Variants in KCNQ1 observed in about 807,000 individuals in gnomAD.
The protein encoded by KCNQ1 is potassium voltage-gated channel subfamily KQT member 1.
KCNQ1 carries 49 observed loss-of-function variants against 72.4 expected under a neutral mutation model. The observed-to-expected ratio is 0.68, with a 90% CI of 0.54 to 0.86. The LOEUF (loss-of-function observed/expected upper bound fraction) is 0.86. Among genes scored for constraint, KCNQ1 ranks in the 40% least tolerant of loss-of-function variants. The pLI, the probability that KCNQ1 is intolerant of heterozygous loss-of-function variation, is 0.00. For missense variants in KCNQ1, 790 were observed against 945.1 expected (o/e 0.84, Z 2.15); for synonymous variants, 450 against 412.6 (o/e 1.09, Z -1.10).
rs768414750 is a variant in KCNQ1, at chr11:2,509,779, C to A, written c.387-18149C>A. Among the ~76,000 whole-genome samples the A allele has an allele frequency of 2.0e-5, 3 of 152,202 alleles. No homozygotes were observed. Among genetic ancestry groups the A allele is most frequent in the African/African-American group, 7.2e-5 (3 of 41,520 alleles). ...TCCGGGGGTGGGGAGCGGGGCTGGG[C>A]GGCTGCTGGCTGAGCCAAGTGGACT... On this transcript the variant is annotated intron_variant, in intron 1 of 15. Coordinates refer to ENST00000155840, the MANE Select transcript of KCNQ1 (RefSeq NM_000218.3). This position sits in a 1 kb window ranked among gnomAD's most constrained non-coding sequence, Gnocchi z 6.3.
chr11:2,655,323 A>G, intron 10 of KCNQ1: 1 of 398,592 alleles, frequency 2.5e-6, no homozygotes, highest in East Asian at 3.6e-5. Flanking sequence ...GGCCTTGACA[A>G]AGCAAAGGCA....
In KCNQ1 at chr11:2,676,573, T is replaced by C. The variant is rs769534230; in HGVS notation, c.1514+14492T>C. 3.3e-4 allele frequency: 130 copies of C among 398,664 alleles called. No individual in the cohort carries two copies. The highest frequency in any genetic ancestry group is 5.0e-4 in the Non-Finnish European group (113 of 226,080). The allele number at this position is 398,664 out of a possible 1,614,324, so 24.7% of individuals were successfully genotyped here. On this transcript the variant is annotated intron_variant, in intron 11 of 15. Transcript: ENST00000155840. This position sits in a 1 kb window ranked among gnomAD's most constrained non-coding sequence, Gnocchi z 4.2. ...GGTCTAAGAAGGCTAAGGACCATCA[T>C]ACTGGGTATTCAACAGCCAGCTCTC...
At chr11:2,650,607 A>C in intron 10 of KCNQ1, 1 of 398,604 alleles carries the variant, frequency 2.5e-6, no homozygotes, top group East Asian at 3.6e-5. Context: ...CCTTAGAGGT[A>C]CTTACTCCTC....
intron 6 of KCNQ1, among the ~76,000 whole-genome samples, chr11:2,575,842 C>T (rs747191397): frequency 5.9e-5 from 9 of 152,184 alleles, no homozygotes; most frequent in Non-Finnish European, 7.4e-5. Flanking sequence ...ACAAAGTCCG[C>T]GAACTGCTGG....
rs1203209356 is a variant in KCNQ1 at position 2,818,606 on chromosome 11, C to T, written c.1795-29161C>T. ...GCACACAGCTTGGAGGCTGGAAGCC[C>T]CCGGAATGCGGCCCACCCTGTCTCC... On this transcript the variant is annotated intron_variant, in intron 15 of 15. Transcript: ENST00000155840. The surrounding 1 kb of genome is among the most constrained non-coding windows in gnomAD (Gnocchi z 7.2). Among the ~76,000 whole-genome samples, 1 of 152,166 alleles carries T rather than the reference C, an allele frequency of 6.6e-6. No individual in the cohort carries two copies. The highest frequency in any genetic ancestry group is 1.5e-5 in the Non-Finnish European group (1 of 68,030).
rs1851001654 is a variant in KCNQ1, at chr11:2,711,354, G to C, written c.1514+49273G>C. ...TGGCTTCTGGTAATGCTTCTTTGTGGTCTCCTGTCTTGCGCACTAATTGTT... is the reference window on the plus strand; with the variant it reads ...TGGCTTCTGGTAATGCTTCTTTGTGCTCTCCTGTCTTGCGCACTAATTGTT... On this transcript the variant is annotated intron_variant, in intron 11 of 15. Transcript: ENST00000155840. The surrounding 1 kb of genome is among the most constrained non-coding windows in gnomAD (Gnocchi z 5.4). Among the ~76,000 whole-genome samples the C allele has an allele frequency of 1.3e-5, 2 of 152,164 alleles. No homozygotes were observed. Among genetic ancestry groups the C allele is most frequent in the Non-Finnish European group, 2.9e-5 (2 of 68,032 alleles).
Position 2,661,665 on chromosome 11 carries a change from C to A in KCNQ1, c.1394-296C>A. On this transcript the variant is annotated intron_variant, in intron 10 of 15. Coordinates refer to ENST00000155840, the MANE Select transcript of KCNQ1 (RefSeq NM_000218.3). This position sits in a 1 kb window ranked among gnomAD's most constrained non-coding sequence, Gnocchi z 5.9. ...TCAGTTGTGAACATGGGAAGAGGCCCAGAACCTGAGGTGGGGAGAGTCTTG... is the reference window on the plus strand; with the variant it reads ...TCAGTTGTGAACATGGGAAGAGGCCAAGAACCTGAGGTGGGGAGAGTCTTG... 1 of 596,648 alleles carries A rather than the reference C, an allele frequency of 1.7e-6. No homozygotes were observed. The highest frequency in any genetic ancestry group is 3.0e-6 in the Non-Finnish European group (1 of 334,620). 37.0% of individuals were successfully genotyped at this position (596,648 alleles called of 1,614,324 possible).
intron 11 of KCNQ1, among the ~76,000 whole-genome samples, chr11:2,761,986 A>G (rs1461149005): frequency 6.6e-6 from 1 of 152,194 alleles, no homozygotes; most frequent in Non-Finnish European, 1.5e-5. Flanking sequence ...TTCTCACTGG[A>G]TGTGGGGCCG....
chr11:2,569,205 A>C (rs938064177), intron 2 of KCNQ1, among the ~76,000 whole-genome samples: 1 of 151,230 alleles, frequency 6.6e-6, no homozygotes, highest in East Asian at 2.0e-4. Context: ...TTTACCTTAC[A>C]CCCCTGCCAT....
rs1479600236 is a variant in KCNQ1 at position 2,678,804 on chromosome 11, C to T, written c.1514+16723C>T. The T allele has an allele frequency of 5.0e-6, 2 of 398,476 alleles. No individual in the cohort carries two copies. Among genetic ancestry groups the T allele is most frequent in the African/African-American group, 2.1e-5 (1 of 48,602 alleles). 24.7% of individuals were successfully genotyped at this position (398,476 alleles called of 1,614,324 possible). A position where few individuals can be genotyped will look rare whatever the true frequency, so the allele number is the denominator to read the frequency against. On this transcript the variant is annotated intron_variant, in intron 11 of 15. Coordinates refer to ENST00000155840, the MANE Select transcript of KCNQ1 (RefSeq NM_000218.3). This position sits in a 1 kb window ranked among gnomAD's most constrained non-coding sequence, Gnocchi z 4.9. ...AGCTAATAATGTCAGGGAGCATGAGCACTTGTTTCTTCCAAGGCTCACTTC... is the reference window on the plus strand; with the variant it reads ...AGCTAATAATGTCAGGGAGCATGAGTACTTGTTTCTTCCAAGGCTCACTTC...
chr11:2,507,003 C>T lies in KCNQ1; in HGVS notation c.387-20925C>T, dbSNP rs4929992. On this transcript the variant is annotated intron_variant, in intron 1 of 15. Transcript: ENST00000155840. This position sits in a 1 kb window ranked among gnomAD's most constrained non-coding sequence, Gnocchi z 5.4. ...TGTGAATTGTTTTCCCAGCTGGTCA[C>T]TTGTCTTTGACTTTGCTTATGGTGC... 0.43 allele frequency among the ~76,000 whole-genome samples: 64,953 copies of T among 152,006 alleles called. 15,477 individuals are homozygous for T. The highest frequency in any genetic ancestry group is 0.55 in the Non-Finnish European group (37,519 of 67,946).
intron 11 of KCNQ1, chr11:2,699,735 C>A: frequency 2.9e-6 from 1 of 344,578 alleles, no homozygotes; most frequent in African/African-American, 2.6e-5. Context: ...GGGAGAACTG[C>A]GCCGAGGAGC....
intron 11 of KCNQ1, among the ~76,000 whole-genome samples, chr11:2,758,904 G>A (rs1365819228): frequency 6.6e-6 from 1 of 152,210 alleles, no homozygotes. Flanking sequence ...GAGGGTGGGA[G>A]TGACTTGCAC....
rs113155583 is a variant in KCNQ1, at chr11:2,550,207, G to A, written c.478-20421G>A. Among the ~76,000 whole-genome samples the A allele has an allele frequency of 1.4e-3, 213 of 152,352 alleles. 1 individual carries two copies. Among genetic ancestry groups the A allele is most frequent in the African/African-American group, 4.9e-3 (203 of 41,582 alleles). ...CGTCCCTCCCCCGCCTCTCTTTGCC[G>A]TTGCCGGGACTGGGCCGTGTGCCTG... On this transcript the variant is annotated intron_variant, in intron 2 of 15. Transcript: ENST00000155840. This position sits in a 1 kb window ranked among gnomAD's most constrained non-coding sequence, Gnocchi z 6.0.
chr11:2,661,548 CA>C lies in KCNQ1; in HGVS notation c.1394-411del. 1.9e-6 allele frequency: 1 copy of C among 516,022 alleles called. No individual in the cohort carries two copies. Among genetic ancestry groups the C allele is most frequent in the South Asian group, 3.6e-5 (1 of 27,798 alleles). The allele number at this position is 516,022 out of a possible 1,614,324, so 32.0% of individuals were successfully genotyped here. On this transcript the variant is annotated intron_variant, in intron 10 of 15. Transcript: ENST00000155840. The surrounding 1 kb of genome is among the most constrained non-coding windows in gnomAD (Gnocchi z 5.9). ...CATCTTTCCTGACCCACTACTCTGT[CA>C]ATGTATGAGTGTGACAATGTATGGT...
intron 1 of KCNQ1, among the ~76,000 whole-genome samples, chr11:2,506,257 T>C (rs1847103671): frequency 6.6e-6 from 1 of 152,208 alleles, no homozygotes; most frequent in African/African-American, 2.4e-5. Flanking sequence ...GCTTTATTCT[T>C]TTGCATGTAG....
chr11:2,779,425 A>AG (rs1301495566), intron 15 of KCNQ1, among the ~76,000 whole-genome samples: 1 of 151,938 alleles, frequency 6.6e-6, no homozygotes, highest in Admixed American at 6.5e-5. Flanking sequence ...AGAGACAGGG[A>AG]GTGGCACCCA....
Position 2,668,780 on chromosome 11 carries a change from G to C in KCNQ1, c.1514+6699G>C. On this transcript the variant is annotated intron_variant, in intron 11 of 15. Coordinates refer to ENST00000155840, the MANE Select transcript of KCNQ1 (RefSeq NM_000218.3). The surrounding 1 kb of genome is among the most constrained non-coding windows in gnomAD (Gnocchi z 4.3). ...TCTTCCTCTCTTGATGGTGTCTTTT[G>C]ATGAACAGAAGGTCTTAATTTTCAT... The C allele has an allele frequency of 2.5e-6, 1 of 398,560 alleles. No homozygotes were observed. 24.7% of individuals were successfully genotyped at this position (398,560 alleles called of 1,614,324 possible). A position where few individuals can be genotyped will look rare whatever the true frequency, so the allele number is the denominator to read the frequency against.
At chr11:2,770,888 C>T (rs1326070620) in intron 12 of KCNQ1, among the ~76,000 whole-genome samples, 5 of 152,240 alleles carry the variant, frequency 3.3e-5, no homozygotes, top group Non-Finnish European at 4.4e-5. Flanking sequence ...GAAGGGGCTG[C>T]GTGAACCCCT....
Sources: gnomAD v4.1 joint callset for allele counts (sites outside exome capture counted in the v4.1 genomes callset) on GRCh38, gnomAD v4.1.1 for gene constraint, Gnocchi (gnomAD v3.1) non-coding constraint, MANE v1.5 for transcripts, NCBI Gene and HGNC (gene_info 2026-07-23, HGNC 2026-07-21) for gene names.